Variants in RAB5B observed in about 807,000 individuals in gnomAD.
RAB5B encodes ras-related protein Rab-5B.
Under a neutral mutation model 28.6 loss-of-function variants are expected in RAB5B, and 11 were observed. The ratio of observed to expected loss-of-function variants is 0.38; its 90% confidence interval spans 0.24 to 0.64. The LOEUF (loss-of-function observed/expected upper bound fraction) is 0.64, where lower values mean the gene tolerates loss of function less well. Among genes scored for constraint, RAB5B ranks in the 30% least tolerant of loss-of-function variants. The pLI is 0.53. For synonymous variants in RAB5B, 93 were observed against 97.9 expected (o/e 0.95, Z 0.29); for missense variants, 169 against 265.6 (o/e 0.64, Z 2.53).
intron 1 of RAB5B, chr12:55,985,498 A>C (rs1424399255): frequency 3.7e-6 from 1 of 271,992 alleles, no homozygotes; most frequent in African/African-American, 2.3e-5. Flanking sequence ...TTTGAATTTC[A>C]TAGTTCCTTT....
chr12:55,986,911 C>CCTG lies in RAB5B; in HGVS notation c.-50_-49insCTG. The CCTG allele has an allele frequency of 1.3e-6, 1 of 752,548 alleles. No homozygotes were observed. The highest frequency in any genetic ancestry group is 1.8e-5 in the African/African-American group (1 of 57,032). The allele number at this position is 752,548 out of a possible 1,614,324, so 46.6% of individuals were successfully genotyped here. ...AATCCCCTCCCCTTCCCCCTCCCCCCTTTACAGTATCCCCCTCCCTCCACC... is the reference window on the plus strand; with the variant it reads ...AATCCCCTCCCCTTCCCCCTCCCCCCCTGTTTACAGTATCCCCCTCCCTCCACC... On this transcript the variant is annotated 5_prime_UTR_variant, in exon 2 of 6. Transcript: ENST00000360299.
rs556633187 is a variant in RAB5B, at chr12:55,989,880, G to C, written c.164-67G>C. ...AGTGTAGGGCAGTTACATTTTGAAGGGGGGGAGGGATGTTCCCATTCATCC... is the reference window on the plus strand; with the variant it reads ...AGTGTAGGGCAGTTACATTTTGAAGCGGGGGAGGGATGTTCCCATTCATCC... On this transcript the variant is annotated intron_variant, in intron 2 of 5. Transcript: ENST00000360299. 158 of 1,526,678 alleles carry C rather than the reference G, an allele frequency of 1.0e-4. 2 individuals are homozygous for C. The highest frequency in any genetic ancestry group is 5.4e-4 in the East Asian group (24 of 44,238). 94.6% of individuals were successfully genotyped at this position (1,526,678 alleles called of 1,614,324 possible).
chr12:55,990,123 TTG>T, intron 3 of RAB5B, 25 bp downstream of exon 3: 1 of 1,600,558 alleles, frequency 6.2e-7, no homozygotes, highest in Non-Finnish European at 8.5e-7. Flanking sequence ...AAGACTGTCC[TTG>T]TTGGCTGGAC....
At chr12:55,982,805 A>G (rs141834553) in intron 1 of RAB5B, among the ~76,000 whole-genome samples, 12 of 152,282 alleles carry the variant, frequency 7.9e-5, no homozygotes, top group African/African-American at 2.9e-4. Context: ...ACACTCCCCC[A>G]GAGCTCAAGT....
intron 1 of RAB5B, among the ~76,000 whole-genome samples, chr12:55,976,618 A>G (rs1370516925): frequency 6.6e-6 from 1 of 152,206 alleles, no homozygotes; most frequent in Non-Finnish European, 1.5e-5. Flanking sequence ...TTTCTTATCC[A>G]TGATGATGAT....
In RAB5B at chr12:55,992,443, C is replaced by A. The variant is rs555695447; in HGVS notation, c.*231C>A. 4.3e-5 allele frequency: 29 copies of A among 675,918 alleles called. No individual in the cohort carries two copies. The African/African-American group carries it at 4.6e-4, about 11-fold the overall frequency. The allele number at this position is 675,918 out of a possible 1,614,324, so 41.9% of individuals were successfully genotyped here. ...TACTCTGGGGCTTGGGGGTCAACTCCCCCCAGGACTTACCTTCCAAAACAA... is the reference window on the plus strand; with the variant it reads ...TACTCTGGGGCTTGGGGGTCAACTCACCCCAGGACTTACCTTCCAAAACAA... On this transcript the variant is annotated 3_prime_UTR_variant, in exon 6 of 6. Transcript: ENST00000360299.
In RAB5B at chr12:55,993,938, G is replaced by A. The variant is rs556851401; in HGVS notation, c.*1726G>A. The stretch of plus-strand genomic sequence containing the variant: ...TAAGATGTCTCTGAGAAGCCATCAA[G>A]GCAAAAGAGAACTTTAAGTTCCTTG... On this transcript the variant is annotated 3_prime_UTR_variant, in exon 6 of 6. Transcript: ENST00000360299. 1.3e-4 allele frequency: 20 copies of A among 152,038 alleles called. No homozygotes were observed. The highest frequency in any genetic ancestry group is 2.5e-4 in the Non-Finnish European group (17 of 67,968). 9.4% of individuals were successfully genotyped at this position (152,038 alleles called of 1,614,324 possible). A position where few individuals can be genotyped will look rare whatever the true frequency, so the allele number is the denominator to read the frequency against.
intron 1 of RAB5B, chr12:55,980,299 C>T: frequency 6.8e-6 from 5 of 732,332 alleles, no homozygotes; most frequent in Admixed American, 2.7e-5. Flanking sequence ...TTTTTCTCCT[C>T]ATTCTCTTTA....
In RAB5B at chr12:55,992,837, G is replaced by A. The variant is rs980532776; in HGVS notation, c.*625G>A. On this transcript the variant is annotated 3_prime_UTR_variant, in exon 6 of 6. Coordinates refer to ENST00000360299, the MANE Select transcript of RAB5B (RefSeq NM_002868.4). ...TTGTGGAGGGTGTTCCTAGGTAGAG[G>A]TGAGAATGGGGAGGCAAGATCTCAG... The A allele has an allele frequency of 4.0e-5, 11 of 276,946 alleles. No individual in the cohort carries two copies. Among genetic ancestry groups the A allele is most frequent in the African/African-American group, 2.6e-4 (11 of 42,206 alleles). 17.2% of individuals were successfully genotyped at this position (276,946 alleles called of 1,614,324 possible).
At chr12:55,981,183 C>T (rs530281706) in intron 1 of RAB5B, 10 of 659,884 alleles carry the variant, frequency 1.5e-5, no homozygotes, top group African/African-American at 1.1e-4. Flanking sequence ...CGTGCCTCAG[C>T]CTCCTGAGTA....
chr12:55,985,023 T>G (rs1460357816), intron 1 of RAB5B, among the ~76,000 whole-genome samples: 1 of 152,220 alleles, frequency 6.6e-6, no homozygotes, highest in Non-Finnish European at 1.5e-5. Context: ...TAAAATACTT[T>G]AGTTATTTAT....
intron 2 of RAB5B, among the ~76,000 whole-genome samples, chr12:55,987,832 C>CAA (rs111519905): frequency 3.4e-5 from 4 of 116,380 alleles, no homozygotes; most frequent in African/African-American, 6.0e-5. Context: ...ACTCCATCTC[C>CAA]AAAAAAAAAA....
At chr12:55,985,781 G>A (rs1889936254) in intron 1 of RAB5B, 1 of 455,418 alleles carries the variant, frequency 2.2e-6, no homozygotes. Flanking sequence ...CCTTTGGTGT[G>A]GAGGGTAATC....
At chr12:55,992,000 CT>C in intron 5 of RAB5B, 96 bp from the exon 6 acceptor site, 3 of 833,280 alleles carry the variant, frequency 3.6e-6, no homozygotes, top group East Asian at 2.6e-5. Context: ...CAAATTCTCC[CT>C]TTTCCCCAAT....
chr12:55,978,962 G>A lies in RAB5B; in HGVS notation c.-93+4823G>A, dbSNP rs180896335. On this transcript the variant is annotated intron_variant, in intron 1 of 5. Coordinates refer to ENST00000360299, the MANE Select transcript of RAB5B (RefSeq NM_002868.4). ...TAATTTTTGTATTTTTAGTAGAGAC[G>A]GGGTTTCACCATATTGGCCAGGCTG... is the stretch of plus-strand genomic sequence containing the variant. Among the ~76,000 whole-genome samples, 278 of 152,028 alleles carry A rather than the reference G, an allele frequency of 1.8e-3. 3 individuals are homozygous for A. The highest frequency in any genetic ancestry group is 6.0e-3 in the African/African-American group (247 of 41,470).
Position 55,989,880 on chromosome 12 carries a change from G to T in RAB5B, c.164-67G>T, listed in dbSNP as rs556633187. On this transcript the variant is annotated intron_variant, in intron 2 of 5. Transcript: ENST00000360299. ...AGTGTAGGGCAGTTACATTTTGAAGGGGGGGAGGGATGTTCCCATTCATCC... is the reference window on the plus strand; with the variant it reads ...AGTGTAGGGCAGTTACATTTTGAAGTGGGGGAGGGATGTTCCCATTCATCC... 1.8e-4 allele frequency: 279 copies of T among 1,526,670 alleles called. 3 individuals are homozygous for T. The highest frequency in any genetic ancestry group is 1.2e-3 in the South Asian group (109 of 89,064). 94.6% of individuals were successfully genotyped at this position (1,526,670 alleles called of 1,614,324 possible). A position where few individuals can be genotyped will look rare whatever the true frequency, so the allele number is the denominator to read the frequency against.
intron 3 of RAB5B, 33 bp downstream of exon 3, chr12:55,990,131 T>C: frequency 1.3e-6 from 2 of 1,589,478 alleles, no homozygotes; most frequent in South Asian, 1.1e-5. Context: ...CCTTGTTGGC[T>C]GGACATGGTG....
intron 4 of RAB5B, 131 bp from the exon 5 acceptor site, chr12:55,991,229 T>C (rs1451771676): frequency 3.1e-6 from 2 of 649,702 alleles, no homozygotes; most frequent in East Asian, 5.4e-5. Flanking sequence ...CTAGGCTAGC[T>C]GGCTCAAAGG....
Position 55,990,070 on chromosome 12 carries a change from C to T in RAB5B, c.287C>T (p.Ala96Val), listed in dbSNP as rs1240280826. The change falls in exon 3 of 6, where the codon GCA (alanine) becomes GTA (valine). Residue 96 changes from alanine (A) to valine (V), a missense_variant. Around this residue, in one of 3 missense-constraint regions of RAB5B, gnomAD observed 123 missense variants for 162.4 expected, o/e 0.76. Coordinates refer to ENST00000360299, the MANE Select transcript of RAB5B (RefSeq NM_002868.4). ...APMYYRGAQA[A>V]IVVYDITNQE... ...ATGTACTACAGGGGTGCCCAAGCTG[C>T]AATCGTGGTTTACGACATTACTAAT... The T allele has an allele frequency of 6.2e-7, 1 of 1,613,978 alleles. No individual in the cohort carries two copies. The highest frequency in any genetic ancestry group is 8.5e-7 in the Non-Finnish European group (1 of 1,179,996).
Sources: allele counts gnomAD v4.1 joint callset (sites outside exome capture counted in the v4.1 genomes callset), GRCh38; gene constraint gnomAD v4.1.1; regional missense constraint gnomAD v4.1.1; transcripts MANE v1.5; gene names NCBI Gene and HGNC (gene_info 2026-07-23, HGNC 2026-07-21).